TNRC6B: variants seen among roughly 807,000 people sequenced by gnomAD.
The protein encoded by TNRC6B is trinucleotide repeat containing adaptor 6B.
TNRC6B carries 52 observed loss-of-function variants against 203.6 expected under a neutral mutation model. That is an observed-to-expected ratio of 0.26 (90% confidence interval 0.20 to 0.32). The LOEUF (loss-of-function observed/expected upper bound fraction) is 0.32, where lower values mean the gene tolerates loss of function less well. Among genes scored for constraint, TNRC6B ranks in the 10% least tolerant of loss-of-function variants. TNRC6B has a pLI of 1.00. For synonymous variants in TNRC6B, 838 were observed against 845.7 expected (o/e 0.99, Z 0.16); for missense variants, 1,923 against 2,286.2 (o/e 0.84, Z 3.24).
intron 1 of TNRC6B, among the ~76,000 whole-genome samples, chr22:40,187,323 T>C (rs1269895696): frequency 6.6e-6 from 1 of 152,210 alleles, no homozygotes; most frequent in Non-Finnish European, 1.5e-5. Flanking sequence ...TTTTTAGAAT[T>C]TAGAAGGGTC....
intron 3 of TNRC6B, among the ~76,000 whole-genome samples, chr22:40,151,799 GAA>G (rs2068758518): frequency 6.7e-6 from 1 of 149,530 alleles, no homozygotes; most frequent in Non-Finnish European, 1.5e-5. Flanking sequence ...GAGAAAGAAA[GAA>G]AGAAGAAAAT....
intron 1 of TNRC6B, among the ~76,000 whole-genome samples, chr22:40,244,659 C>G (rs1024958260): frequency 6.6e-6 from 1 of 152,116 alleles, no homozygotes; most frequent in African/African-American, 2.4e-5. Context: ...TAATTTGACT[C>G]ACTTGTAACT....
Position 40,214,158 on chromosome 22 carries a change from T to A in TNRC6B, c.6-31857T>A, listed in dbSNP as rs545517290. On this transcript the variant is annotated intron_variant, in intron 1 of 22. Coordinates refer to ENST00000454349, the MANE Select transcript of TNRC6B (RefSeq NM_001162501.2). ...GGTGCGCACCTGTAGCCCCAGCTAC[T>A]CGGGAGGCTGAGGCAGGAGAATCAC... 3.2e-4 allele frequency among the ~76,000 whole-genome samples: 48 copies of A among 152,092 alleles called. 1 individual carries two copies. Among genetic ancestry groups the A allele is most frequent in the African/African-American group, 1.0e-3 (42 of 41,476 alleles).
chr22:40,273,056 T>C (rs1468671707), intron 6 of TNRC6B, among the ~76,000 whole-genome samples: 2 of 152,246 alleles, frequency 1.3e-5, no homozygotes, highest in Non-Finnish European at 2.9e-5. Context: ...AAACCAGGGC[T>C]ACAGTAAACC....
intron 21 of TNRC6B, among the ~76,000 whole-genome samples, chr22:40,319,862 GGTGT>G (rs2071312350): frequency 6.6e-6 from 1 of 152,178 alleles, no homozygotes; most frequent in African/African-American, 2.4e-5. Context: ...GGCCTTGGAA[GGTGT>G]TCCCCTCAGA....
At chr22:40,218,162 A>G (rs2069659982) in intron 1 of TNRC6B, among the ~76,000 whole-genome samples, 1 of 151,938 alleles carries the variant, frequency 6.6e-6, no homozygotes, top group South Asian at 2.1e-4. Flanking sequence ...AGAGATGATG[A>G]CCCAATTTGA....
intron 15 of TNRC6B, 74 bp downstream of exon 15, chr22:40,301,407 A>C: frequency 7.0e-7 from 1 of 1,433,028 alleles, no homozygotes. Flanking sequence ...TTGCACCTGC[A>C]TTACCCTCCT....
At chr22:40,315,138 T>C in intron 19 of TNRC6B, 145 bp from the exon 20 acceptor site, 1 of 680,074 alleles carries the variant, frequency 1.5e-6, no homozygotes, top group Non-Finnish European at 2.5e-6. Context: ...TGTTATTTTG[T>C]ATTGCTGTGC....
At chr22:40,093,087 C>T (rs1031808577) in intron 1 of TNRC6B, among the ~76,000 whole-genome samples, 1 of 152,198 alleles carries the variant, frequency 6.6e-6, no homozygotes, top group Non-Finnish European at 1.5e-5. Context: ...TACTTGAAAA[C>T]ATGCTGTGCA....
At chr22:40,166,849 C>T (rs1435846561) in intron 4 of TNRC6B, among the ~76,000 whole-genome samples, 1 of 149,394 alleles carries the variant, frequency 6.7e-6, no homozygotes, top group African/African-American at 2.5e-5. Context: ...GAGCCGAGGT[C>T]GTGTCACCAC....
chr22:40,154,840 C>CAAAAAAAAA (rs57206167), intron 3 of TNRC6B, among the ~76,000 whole-genome samples: 1 of 29,236 alleles, frequency 3.4e-5, no homozygotes, highest in African/African-American at 1.5e-4. Flanking sequence ...GACTCTATCT[C>CAAAAAAAAA]AAAAAAAAAA....
rs8137135 is a variant in TNRC6B at position 40,059,058 on chromosome 22, A to G, written c.-121+14060A>G. On this transcript the variant is annotated intron_variant, in intron 1 of 23. Transcript: ENST00000301923. ...GTTCGTTTACTGCTCCCATTTATCAACTGTCATTTCTTTCTTTTGAATCTT... is the reference window on the plus strand; with the variant it reads ...GTTCGTTTACTGCTCCCATTTATCAGCTGTCATTTCTTTCTTTTGAATCTT... Among the ~76,000 whole-genome samples the G allele has an allele frequency of 7.8e-3, 1,191 of 151,976 alleles. 10 individuals carry two copies. Among genetic ancestry groups the G allele is most frequent in the African/African-American group, 0.026 (1,092 of 41,430 alleles).
At chr22:40,048,518 G>A (rs1042619460) in intron 1 of TNRC6B, among the ~76,000 whole-genome samples, 1 of 147,368 alleles carries the variant, frequency 6.8e-6, no homozygotes, top group Non-Finnish European at 1.5e-5. Context: ...TCCAGCCTGG[G>A]CAACAGAGCG....
chr22:40,106,254 TTCA>T, intron 1 of TNRC6B: 8 of 247,022 alleles, frequency 3.2e-5, no homozygotes, highest in South Asian at 1.0e-4. Flanking sequence ...TTTTTTTTTT[TTCA>T]ATTTGAGAGC....
At chr22:40,133,984 A>C (rs1305233791) in intron 3 of TNRC6B, among the ~76,000 whole-genome samples, 5 of 151,334 alleles carry the variant, frequency 3.3e-5, no homozygotes, top group South Asian at 2.1e-4. Flanking sequence ...AAAAAAAAAA[A>C]AAAAAAAAAA....
intron 2 of TNRC6B, among the ~76,000 whole-genome samples, chr22:40,119,603 C>T (rs2146319579): frequency 6.6e-6 from 1 of 152,312 alleles, no homozygotes; most frequent in Admixed American, 6.5e-5. Flanking sequence ...ACATAGATAA[C>T]ATACATACAT....
chr22:40,246,791 C>T (rs990329205), intron 2 of TNRC6B, among the ~76,000 whole-genome samples: 12 of 152,016 alleles, frequency 7.9e-5, no homozygotes, highest in South Asian at 4.1e-4. Context: ...TTTTGTTCCA[C>T]CCACGGTGCT....
chr22:40,317,267 T>C (rs1248294002), intron 21 of TNRC6B, among the ~76,000 whole-genome samples: 1 of 152,248 alleles, frequency 6.6e-6, no homozygotes, highest in Non-Finnish European at 1.5e-5. Flanking sequence ...GAAGAGATCA[T>C]TTGACTTCAT....
chr22:40,223,846 C>T (rs2069748310), intron 1 of TNRC6B, among the ~76,000 whole-genome samples: 1 of 152,176 alleles, frequency 6.6e-6, no homozygotes, highest in Non-Finnish European at 1.5e-5. Flanking sequence ...CCAAATTGTC[C>T]CGTACAGAGA....
Sources: gnomAD v4.1 joint callset for allele counts (sites outside exome capture counted in the v4.1 genomes callset) on GRCh38, gnomAD v4.1.1 for gene constraint, MANE v1.5 for transcripts, NCBI Gene and HGNC (gene_info 2026-07-23, HGNC 2026-07-21) for gene names.